The following TOM1L2 variants were observed in gnomAD, a reference collection of about 807,000 sequenced individuals.
TOM1L2 encodes the protein TOM1-like protein 2.
A neutral mutation model predicts 67.9 loss-of-function variants in TOM1L2; 31 were observed. The ratio of observed to expected loss-of-function variants is 0.46; its 90% CI spans 0.34 to 0.62. The LOEUF (loss-of-function observed/expected upper bound fraction) is 0.62, where lower values mean the gene tolerates loss of function less well. TOM1L2 is among the 20% of genes least tolerant of loss of function. TOM1L2 has a pLI of 0.01. For missense variants in TOM1L2, 606 were observed against 663.5 expected (o/e 0.91, Z 0.95); for synonymous variants, 256 against 254.0 (o/e 1.01, Z -0.07).
chr17:17,919,940 A>G (rs2039787006), intron 1 of TOM1L2, among the ~76,000 whole-genome samples: 1 of 152,180 alleles, frequency 6.6e-6, no homozygotes, highest in African/African-American at 2.4e-5. Flanking sequence ...CACAGTGTGC[A>G]GAGAGGAGGT....
At chr17:17,972,213 G>A (rs778018173) in intron 1 of TOM1L2, 49 bp downstream of exon 1, 3 of 1,547,188 alleles carry the variant, frequency 1.9e-6, no homozygotes, top group Admixed American at 2.0e-5. Flanking sequence ...CTCACCAGCC[G>A]GATCAGCGGC....
chr17:17,860,359 A>G (rs1027416356), intron 12 of TOM1L2, among the ~76,000 whole-genome samples: 10 of 152,238 alleles, frequency 6.6e-5, no homozygotes, highest in Non-Finnish European at 7.3e-5. Context: ...CACGGCACTG[A>G]GGACCCAAGG....
At chr17:17,881,987 A>G (rs1448797215) in intron 6 of TOM1L2, among the ~76,000 whole-genome samples, 1 of 152,176 alleles carries the variant, frequency 6.6e-6, no homozygotes, top group Non-Finnish European at 1.5e-5. Context: ...AGTCTGACCA[A>G]TTCTCAAATT....
At chr17:17,969,096 G>A (rs1390129792) in intron 1 of TOM1L2, among the ~76,000 whole-genome samples, 6 of 144,882 alleles carry the variant, frequency 4.1e-5, no homozygotes, top group East Asian at 2.0e-4. Context: ...TCACTCTGTC[G>A]CCCAGGCTGG....
chr17:17,956,721 G>A (rs1033706398), intron 1 of TOM1L2, among the ~76,000 whole-genome samples: 1 of 152,234 alleles, frequency 6.6e-6, no homozygotes, highest in African/African-American at 2.4e-5. Context: ...ACCCTCCGCA[G>A]CTGCTGGCCT....
intron 4 of TOM1L2, among the ~76,000 whole-genome samples, chr17:17,889,367 G>A (rs570851544): frequency 6.6e-6 from 1 of 152,344 alleles, no homozygotes; most frequent in Non-Finnish European, 1.5e-5. Context: ...GGAATCAGAA[G>A]GTGGGCTGGG....
intron 1 of TOM1L2, among the ~76,000 whole-genome samples, chr17:17,922,044 A>G (rs1391161213): frequency 6.6e-6 from 1 of 152,130 alleles, no homozygotes. Flanking sequence ...TTCCCAGCTC[A>G]ATTTAAAAAC....
At position 17,869,417 on chromosome 17, in the gene TOM1L2, G is replaced by A. The variant is rs1422282449; in HGVS notation, c.834C>T (p.Arg278=). Residue 278 remains arginine, a synonymous_variant, in exon 8 of 15, where the codon CGC becomes CGT. Transcript: ENST00000379504. ...CCTCGGTGACCTCCTCATTGGACAC[G>A]CGGGAGATGAGCTCCACGATGCGCT... The part of the protein sequence containing the change: ...MQQRIVELIS[R]VSNEEVTEEL... The A allele has an allele frequency of 5.6e-6, 9 of 1,613,470 alleles. No homozygotes were observed. Among genetic ancestry groups the A allele is most frequent in the African/African-American group, 4.0e-5 (3 of 74,892 alleles).
At chr17:17,932,318 C>G (rs748862069) in intron 1 of TOM1L2, among the ~76,000 whole-genome samples, 1 of 152,040 alleles carries the variant, frequency 6.6e-6, no homozygotes, top group Non-Finnish European at 1.5e-5. Context: ...TTTGTAGAGA[C>G]AGAGTCTTGG....
In TOM1L2 at chr17:17,904,609, T is replaced by C. The variant is rs535192696; in HGVS notation, c.137+2838A>G. Among the ~76,000 whole-genome samples the C allele has an allele frequency of 2.0e-5, 3 of 152,152 alleles. No homozygotes were observed. In the South Asian group the frequency reaches 6.2e-4, roughly 32 times the overall value. ...TGTTAGCAAGGGAGCAACTTGGTCG[T>C]TGTGCAGCAGGAAGGGGTAGGAGGG... On this transcript the variant is annotated intron_variant, in intron 2 of 14. Coordinates refer to ENST00000379504, the MANE Select transcript of TOM1L2 (RefSeq NM_001082968.2).
At position 17,852,996 on chromosome 17, in the gene TOM1L2, G is replaced by A. The variant is rs544445813; in HGVS notation, c.1279-2044C>T. Among the ~76,000 whole-genome samples the A allele has an allele frequency of 9.2e-5, 14 of 152,086 alleles. No homozygotes were observed. The East Asian group carries it at 2.7e-3, about 29-fold the overall frequency. ...TGGGGGGATGGACGCACAAATGACT[G>A]ACAGATGTGTTAACAATGCCTAAGG... On this transcript the variant is annotated intron_variant, in intron 12 of 14. Transcript: ENST00000379504.
At chr17:17,862,608 T>C in intron 11 of TOM1L2, 123 bp downstream of exon 11, 1 of 794,320 alleles carries the variant, frequency 1.3e-6, no homozygotes, top group Admixed American at 2.3e-5. Flanking sequence ...CTTACAGCCA[T>C]GCTTTAAAGT....
intron 1 of TOM1L2, among the ~76,000 whole-genome samples, chr17:17,956,099 C>CA (rs2041431892): frequency 6.6e-6 from 1 of 152,172 alleles, no homozygotes; most frequent in South Asian, 2.1e-4. Context: ...CAAAGCCTCC[C>CA]CCGCACGAAA....
chr17:17,948,023 T>C (rs756048395), intron 1 of TOM1L2, among the ~76,000 whole-genome samples: 4 of 152,226 alleles, frequency 2.6e-5, no homozygotes, highest in African/African-American at 7.2e-5. Flanking sequence ...GTGCTTTACA[T>C]GCATTATCCA....
rs766459285 is a variant in TOM1L2, at chr17:17,862,745, A to T, written c.1188T>A (p.Ala396=). The change falls in exon 11 of 15, where the codon GCT becomes GCA. Residue 396 remains alanine, a synonymous_variant. Coordinates refer to ENST00000379504, the MANE Select transcript of TOM1L2 (RefSeq NM_001082968.2). ...GCCCCACATACGTCTTGCGCTGCTC[A>T]GCCAAGGAGTTTCCTCTCGTCTGGG... ...MFAQTRGNSL[A]EQRKTVTYED... The T allele has an allele frequency of 4.3e-6, 7 of 1,613,486 alleles. No individual in the cohort carries two copies. Among genetic ancestry groups the T allele is most frequent in the Non-Finnish European group, 5.9e-6 (7 of 1,180,004 alleles).
chr17:17,915,842 T>G (rs911712487), intron 1 of TOM1L2, among the ~76,000 whole-genome samples: 1 of 30,440 alleles, frequency 3.3e-5, no homozygotes, highest in African/African-American at 6.8e-4. Context: ...ACTGAGTAGG[T>G]TTTTTTTTTT....
At chr17:17,946,169 C>T (rs1221097006) in intron 1 of TOM1L2, among the ~76,000 whole-genome samples, 1 of 152,138 alleles carries the variant, frequency 6.6e-6, no homozygotes, top group African/African-American at 2.4e-5. Context: ...TAAACCACCG[C>T]ACCCTGCCGT....
rs1044255013 is a variant in TOM1L2, at chr17:17,883,694, A to G, written c.502-831T>C. Among the ~76,000 whole-genome samples the G allele has an allele frequency of 3.3e-5, 5 of 152,328 alleles. No individual in the cohort carries two copies. The South Asian group carries it at 8.3e-4, about 25-fold the overall frequency. On this transcript the variant is annotated intron_variant, in intron 5 of 14. Coordinates refer to ENST00000379504, the MANE Select transcript of TOM1L2 (RefSeq NM_001082968.2). ...GCGTGCAGTGAGCCAAGATTGTGCCAGTGCACTCCAGCCTGGGCGACACAG... is the reference window on the plus strand; with the variant it reads ...GCGTGCAGTGAGCCAAGATTGTGCCGGTGCACTCCAGCCTGGGCGACACAG...
intron 3 of TOM1L2, among the ~76,000 whole-genome samples, chr17:17,896,395 C>A (rs1425790619): frequency 6.6e-6 from 1 of 152,180 alleles, no homozygotes; most frequent in East Asian, 1.9e-4. Flanking sequence ...TGGGGCTCCA[C>A]TCCACTCTCA....
Sources: gnomAD v4.1 joint callset for allele counts (sites outside exome capture counted in the v4.1 genomes callset) on GRCh38, gnomAD v4.1.1 for gene constraint, MANE v1.5 for transcripts, NCBI Gene and HGNC (gene_info 2026-07-23, HGNC 2026-07-21) for gene names.